GPHN: variants seen among roughly 807,000 people sequenced by gnomAD.
The protein encoded by GPHN is gephyrin.
Under a neutral mutation model 95.5 loss-of-function variants are expected in GPHN, and 17 were observed. That is an observed-to-expected ratio of 0.18 (90% CI 0.12 to 0.27). The LOEUF (loss-of-function observed/expected upper bound fraction) is 0.27, where lower values mean the gene tolerates loss of function less well. Ranked by LOEUF, GPHN falls within the 10% of genes least tolerant of loss-of-function variation. GPHN has a pLI of 1.00. For synonymous variants in GPHN, 320 were observed against 322.5 expected (o/e 0.99, Z 0.08); for missense variants, 660 against 978.1 (o/e 0.67, Z 4.34).
chr14:67,539,975 C>G, the GPHN span, among the ~76,000 whole-genome samples: 1 of 152,072 alleles, frequency 6.6e-6, no homozygotes, highest in Non-Finnish European at 1.5e-5. Flanking sequence ...GGGAGAAGCA[C>G]GATTGGTGAT....
At chr14:66,958,320 C>A (rs1477771609) in intron 8 of GPHN, among the ~76,000 whole-genome samples, 1 of 152,136 alleles carries the variant, frequency 6.6e-6, no homozygotes, top group Non-Finnish European at 1.5e-5. Flanking sequence ...TTGGCTACAG[C>A]TCCCATAGAA....
chr14:67,255,188 T>C, the GPHN span, among the ~76,000 whole-genome samples: 8 of 152,156 alleles, frequency 5.3e-5, no homozygotes, highest in Non-Finnish European at 1.5e-5. Context: ...AATGCTTTTT[T>C]AGAAGCCTGA....
chr14:66,527,464 C>A (rs992009147), intron 1 of GPHN, among the ~76,000 whole-genome samples: 5 of 149,206 alleles, frequency 3.4e-5, no homozygotes, highest in African/African-American at 1.2e-4. Flanking sequence ...GTCTGTATCT[C>A]CTTCAGTTCT....
At chr14:67,548,599 A>T in the GPHN span, among the ~76,000 whole-genome samples, 2 of 152,230 alleles carry the variant, frequency 1.3e-5, no homozygotes, top group Non-Finnish European at 2.9e-5. Context: ...CTGGAGGCTG[A>T]GGCAGGAGAA....
chr14:67,164,963 TTAC>T, intron 19 of GPHN, among the ~76,000 whole-genome samples, 196 bp from the exon 20 acceptor site: 1 of 151,522 alleles, frequency 6.6e-6, no homozygotes, highest in Non-Finnish European at 1.5e-5. Flanking sequence ...GAAAGTGTGG[TTAC>T]TTGAAAACAG....
rs539553133 is a variant in GPHN, at chr14:66,801,755, A to G, written c.202-22719A>G. ...GCCAGCACAATATTGGGTCTTGCTC[A>G]AGTCCTGCTGTAACCACTTTCTGGC... On this transcript the variant is annotated intron_variant, in intron 3 of 22. Coordinates refer to ENST00000478722, the MANE Select transcript of GPHN (RefSeq NM_020806.5). 2.0e-5 allele frequency among the ~76,000 whole-genome samples: 3 copies of G among 148,430 alleles called. No homozygotes were observed. The South Asian group carries it at 6.5e-4, about 32-fold the overall frequency.
intron 2 of GPHN, among the ~76,000 whole-genome samples, chr14:66,727,519 G>A (rs1230413800): frequency 2.6e-5 from 4 of 152,148 alleles, no homozygotes; most frequent in African/African-American, 9.7e-5. Context: ...ATAATGATAT[G>A]GACAATGAAA....
chr14:66,631,285 G>A (rs2063797939), intron 1 of GPHN, among the ~76,000 whole-genome samples: 1 of 152,106 alleles, frequency 6.6e-6, no homozygotes, highest in Admixed American at 6.5e-5. Context: ...CTGACCTCAT[G>A]ATCCACCCAC....
intron 10 of GPHN, among the ~76,000 whole-genome samples, chr14:67,043,612 C>T (rs1280281963): frequency 6.6e-6 from 1 of 152,140 alleles, no homozygotes. Flanking sequence ...TTTTGATGTG[C>T]TGCTGGATTC....
chr14:66,656,266 C>T (rs995877652), intron 1 of GPHN, among the ~76,000 whole-genome samples: 1 of 152,178 alleles, frequency 6.6e-6, no homozygotes, highest in Non-Finnish European at 1.5e-5. Context: ...ATCCAATGAT[C>T]TTAATAGTTG....
intron 5 of GPHN, among the ~76,000 whole-genome samples, chr14:66,900,269 TCTC>T (rs966418696): frequency 2.0e-5 from 3 of 151,952 alleles, no homozygotes; most frequent in Admixed American, 2.0e-4. Flanking sequence ...TTTCATTCCT[TCTC>T]CTTGTTTGGG....
the GPHN span, among the ~76,000 whole-genome samples, chr14:67,661,790 T>C: frequency 3.0e-4 from 45 of 152,222 alleles, 1 homozygote; most frequent in African/African-American, 1.1e-3. Context: ...CACCTTGGCA[T>C]CTCAAAGTGT....
chr14:67,670,749 C>A, the GPHN span, among the ~76,000 whole-genome samples: 1 of 152,066 alleles, frequency 6.6e-6, no homozygotes, highest in Non-Finnish European at 1.5e-5. Flanking sequence ...GGATGGTCTC[C>A]ATCCGTGACC....
At chr14:67,413,834 T>C in the GPHN span, among the ~76,000 whole-genome samples, 1 of 152,164 alleles carries the variant, frequency 6.6e-6, no homozygotes, top group Non-Finnish European at 1.5e-5. Flanking sequence ...AGGCCTGTAG[T>C]AGTAGGTGCT....
chr14:67,632,174 A>G, the GPHN span, among the ~76,000 whole-genome samples: 1 of 152,246 alleles, frequency 6.6e-6, no homozygotes, highest in Non-Finnish European at 1.5e-5. Flanking sequence ...GGCATGAGCC[A>G]CTATGCCCAG....
At chr14:67,732,226 C>G in the GPHN span, among the ~76,000 whole-genome samples, 1 of 151,364 alleles carries the variant, frequency 6.6e-6, no homozygotes, top group Non-Finnish European at 1.5e-5. Flanking sequence ...TGCTTGAGCT[C>G]GGGAATTCCA....
chr14:67,264,934 A>AT, the GPHN span, among the ~76,000 whole-genome samples: 5 of 144,628 alleles, frequency 3.5e-5, no homozygotes, highest in African/African-American at 9.9e-5. Flanking sequence ...CAGGAATCAT[A>AT]TTTTTTTTTT....
intron 8 of GPHN, among the ~76,000 whole-genome samples, chr14:66,937,847 T>A (rs551899886): frequency 6.6e-6 from 1 of 152,316 alleles, no homozygotes; most frequent in South Asian, 2.1e-4. Context: ...GGTCTCTATT[T>A]TTGCCAACCC....
intron 21 of GPHN, among the ~76,000 whole-genome samples, chr14:67,171,067 T>C (rs1172627086): frequency 6.6e-6 from 1 of 152,098 alleles, no homozygotes; most frequent in East Asian, 1.9e-4. Context: ...ATGTCATCCT[T>C]GCTAGGCACA....
Sources: gnomAD v4.1 joint callset for allele counts (sites outside exome capture counted in the v4.1 genomes callset) on GRCh38, gnomAD v4.1.1 for gene constraint, MANE v1.5 for transcripts, NCBI Gene and HGNC (gene_info 2026-07-23, HGNC 2026-07-21) for gene names.